PREP: variants seen among roughly 807,000 people sequenced by gnomAD.
The protein encoded by PREP is dJ355L5.1 (prolyl endopeptidase).
PREP carries 29 observed loss-of-function variants against 87.6 expected under a neutral mutation model. The observed-to-expected ratio is 0.33, with a 90% CI of 0.25 to 0.45. PREP has a LOEUF of 0.45. Among genes scored for constraint, PREP ranks in the 20% least tolerant of loss-of-function variants. PREP has a pLI of 1.00. For synonymous variants in PREP, 337 were observed against 328.6 expected (o/e 1.03, Z -0.28); for missense variants, 695 against 886.5 (o/e 0.78, Z 2.74).
rs1769980188 is a variant in PREP at position 105,277,863 on chromosome 6, T to A, written c.*281A>T. ...TAATTCAGCAATCTAATATTCACAA[T>A]GTGTTTGTTGCCATTTAGCTATTTA... On this transcript the variant is annotated 3_prime_UTR_variant, in exon 15 of 15. Transcript: ENST00000652536. The A allele has an allele frequency of 4.3e-6, 2 of 466,304 alleles. No homozygotes were observed. The highest frequency in any genetic ancestry group is 7.6e-6 in the Non-Finnish European group (2 of 261,868). The allele number at this position is 466,304 out of a possible 1,614,324, so 28.9% of individuals were successfully genotyped here.
In PREP at chr6:105,333,365, C is replaced by T; in HGVS notation, c.964G>A (p.Glu322Lys). The change falls in exon 8 of 15, where the codon GAA becomes AAA. Residue 322 changes from glutamate to lysine, a missense_variant. Around this residue, in one of 5 missense-constraint regions of PREP, gnomAD observed 517 missense variants for 620.3 expected, o/e 0.83. Coordinates refer to ENST00000652536, the MANE Select transcript of PREP (RefSeq NM_002726.5). ...RVINIDFRDP[E>K]ESKWKVLVPE... The stretch of plus-strand genomic sequence containing the variant: ...ACAAGTACTTTCCACTTAGACTCTT[C>T]AGGATCCCTGAAGTCAATGTTGATC... 6.2e-7 allele frequency: 1 copy of T among 1,614,200 alleles called. No homozygotes were observed. The highest frequency in any genetic ancestry group is 8.5e-7 in the Non-Finnish European group (1 of 1,180,024).
At chr6:105,280,229 G>GGAGGCGATGTTGC (rs1244732616) in intron 14 of PREP, among the ~76,000 whole-genome samples, 1 of 152,186 alleles carries the variant, frequency 6.6e-6, no homozygotes, top group East Asian at 1.9e-4. Context: ...CTTGTACCCA[G>GGAGGCGATGTTGC]GAGGCGATGT....
intron 10 of PREP, among the ~76,000 whole-genome samples, chr6:105,311,240 T>G (rs1770755315): frequency 6.6e-6 from 1 of 152,210 alleles, no homozygotes; most frequent in South Asian, 2.1e-4. Flanking sequence ...CAAAACCATG[T>G]CTCTCTCCAG....
At chr6:105,366,974 G>A (rs1373622037) in intron 6 of PREP, among the ~76,000 whole-genome samples, 1 of 152,106 alleles carries the variant, frequency 6.6e-6, no homozygotes, top group Admixed American at 6.5e-5. Flanking sequence ...TTGTTCACAG[G>A]GTGGAGTTTC....
intron 2 of PREP, among the ~76,000 whole-genome samples, chr6:105,381,649 T>A (rs916767386): frequency 2.6e-5 from 4 of 152,166 alleles, no homozygotes; most frequent in Admixed American, 6.5e-5. Context: ...AGATTTTATA[T>A]CCATAGATGA....
intron 7 of PREP, among the ~76,000 whole-genome samples, chr6:105,342,003 A>T (rs1314273883): frequency 6.6e-6 from 1 of 152,254 alleles, no homozygotes; most frequent in Non-Finnish European, 1.5e-5. Context: ...CAATCAATAG[A>T]AAAAGAGGGA....
At position 105,276,308 on chromosome 6, in the gene PREP, T is replaced by G. The variant is rs1050491047; in HGVS notation, c.*1836A>C. On this transcript the variant is annotated 3_prime_UTR_variant, in exon 15 of 15. Transcript: ENST00000652536. ...TCCTCATCAGTTGCTAAGTGACATT[T>G]GGGATTTGAACCCAGTCCTGATATC... Among the ~76,000 whole-genome samples, 1 of 152,218 alleles carries G rather than the reference T, an allele frequency of 6.6e-6. No individual in the cohort carries two copies. The highest frequency in any genetic ancestry group is 2.1e-4 in the South Asian group (1 of 4,826).
At chr6:105,391,790 G>A (rs180731182) in intron 2 of PREP, among the ~76,000 whole-genome samples, 2 of 152,350 alleles carry the variant, frequency 1.3e-5, no homozygotes, top group East Asian at 3.9e-4. Context: ...CTAAGGCAAA[G>A]TGTGGGGTTT....
chr6:105,402,787 G>A (rs1773469561), intron 1 of PREP, 60 bp downstream of exon 1: 1 of 1,456,040 alleles, frequency 6.9e-7, no homozygotes, highest in Non-Finnish European at 9.3e-7. Context: ...GGGTGCCACG[G>A]GTCAGGCAGG....
intron 10 of PREP, among the ~76,000 whole-genome samples, chr6:105,320,718 C>G (rs1770983052): frequency 6.6e-6 from 1 of 152,166 alleles, no homozygotes. Flanking sequence ...ATAAGATACT[C>G]TTTTCAAGTC....
intron 6 of PREP, among the ~76,000 whole-genome samples, chr6:105,354,051 TATAC>T (rs1027731958): frequency 1.4e-4 from 22 of 152,222 alleles, no homozygotes; most frequent in African/African-American, 4.6e-4. Context: ...GGTATCAAAC[TATAC>T]ATATTCTTTT....
At chr6:105,318,826 T>G (rs1449197365) in intron 10 of PREP, among the ~76,000 whole-genome samples, 1 of 152,202 alleles carries the variant, frequency 6.6e-6, no homozygotes, top group African/African-American at 2.4e-5. Context: ...CACGCTGCTA[T>G]GGGAAGACAC....
At chr6:105,283,107 G>A (rs1770117838) in intron 12 of PREP, among the ~76,000 whole-genome samples, 2 of 152,214 alleles carry the variant, frequency 1.3e-5, no homozygotes, top group South Asian at 4.1e-4. Context: ...TGACATGGTC[G>A]GTGATGGGGA....
Position 105,304,945 on chromosome 6 carries a change from T to C in PREP, c.1318-16051A>G, listed in dbSNP as rs374062164. On this transcript the variant is annotated intron_variant, in intron 10 of 14. Transcript: ENST00000652536. ...TGACATTTTCCTTATGTGTAGCTGT[T>C]AATCTATTAATTTGGCAATGCCAGG... Among the ~76,000 whole-genome samples, 4 of 152,310 alleles carry C rather than the reference T, an allele frequency of 2.6e-5. No homozygotes were observed. The South Asian group carries it at 6.2e-4, about 24-fold the overall frequency.
chr6:105,288,412 G>A (rs1191822991), intron 11 of PREP, among the ~76,000 whole-genome samples: 4 of 152,180 alleles, frequency 2.6e-5, no homozygotes, highest in South Asian at 2.1e-4. Flanking sequence ...GCGCAGTGGC[G>A]TGATCTTGGC....
chr6:105,346,656 G>C (rs1451935030), intron 7 of PREP, among the ~76,000 whole-genome samples: 1 of 152,192 alleles, frequency 6.6e-6, no homozygotes, highest in Non-Finnish European at 1.5e-5. Flanking sequence ...TAAATGCTGT[G>C]ACATGAGAAA....
chr6:105,336,701 C>G (rs536425140), intron 7 of PREP, among the ~76,000 whole-genome samples: 1 of 152,166 alleles, frequency 6.6e-6, no homozygotes, highest in Non-Finnish European at 1.5e-5. Flanking sequence ...CTATGTGATG[C>G]CTTCAAACAG....
At chr6:105,306,032 G>A (rs1770646600) in intron 10 of PREP, among the ~76,000 whole-genome samples, 1 of 151,818 alleles carries the variant, frequency 6.6e-6, no homozygotes, top group Admixed American at 6.6e-5. Context: ...TGTAGAGATG[G>A]GGTCTCACCT....
At chr6:105,369,101 C>T in intron 5 of PREP, 77 bp from the exon 6 acceptor site, 3 of 1,482,652 alleles carry the variant, frequency 2.0e-6, no homozygotes, top group Non-Finnish European at 2.8e-6. Flanking sequence ...TTGCAGAATG[C>T]TAGACACATT....
Sources: allele counts gnomAD v4.1 joint callset (sites outside exome capture counted in the v4.1 genomes callset), GRCh38; gene constraint gnomAD v4.1.1; regional missense constraint gnomAD v4.1.1; transcripts MANE v1.5; gene names NCBI Gene and HGNC (gene_info 2026-07-23, HGNC 2026-07-21).